NELL2: variants seen among roughly 807,000 people sequenced by gnomAD.
NELL2 encodes neural EGFL like 2.
A neutral mutation model predicts 109.6 loss-of-function variants in NELL2; 41 were observed. The ratio of observed to expected loss-of-function variants is 0.37; its 90% CI spans 0.29 to 0.49. NELL2 has a LOEUF of 0.49. NELL2 is among the 20% of genes least tolerant of loss of function. The pLI, the probability that NELL2 is intolerant of heterozygous loss-of-function variation, is 0.98. For synonymous variants in NELL2, 355 were observed against 344.7 expected, an observed-to-expected ratio of 1.03 and a Z score of -0.33; for missense variants, 900 against 1,008.3, an observed-to-expected ratio of 0.89 and a Z score of 1.45.
At chr12:44,630,270 A>G (rs185570151) in intron 13 of NELL2, among the ~76,000 whole-genome samples, 1 of 152,310 alleles carries the variant, frequency 6.6e-6, no homozygotes, top group East Asian at 1.9e-4. Flanking sequence ...TTTTCACAAC[A>G]ACCCTATGAA....
intron 12 of NELL2, among the ~76,000 whole-genome samples, chr12:44,683,022 T>G (rs1350112724): frequency 2.0e-5 from 3 of 152,210 alleles, no homozygotes; most frequent in Non-Finnish European, 4.4e-5. Flanking sequence ...TATGGCCATT[T>G]TCATGATATT....
chr12:44,726,687 T>TA (rs763363427), intron 9 of NELL2, among the ~76,000 whole-genome samples: 3 of 152,164 alleles, frequency 2.0e-5, no homozygotes, highest in South Asian at 2.1e-4. Context: ...GTTAAAGACT[T>TA]ACCGTGTTTA....
chr12:44,884,707 G>A (rs1357346061), intron 1 of NELL2, among the ~76,000 whole-genome samples: 3 of 151,800 alleles, frequency 2.0e-5, no homozygotes, highest in Non-Finnish European at 4.4e-5. Context: ...AACAAGGTGG[G>A]GTTCATTCCA....
chr12:44,745,708 G>C (rs565463614), intron 9 of NELL2, among the ~76,000 whole-genome samples: 11 of 152,254 alleles, frequency 7.2e-5, no homozygotes, highest in Non-Finnish European at 1.5e-4. Context: ...TTGCTTCAAA[G>C]AGAATAAAAT....
intron 13 of NELL2, among the ~76,000 whole-genome samples, chr12:44,652,178 T>C (rs895714514): frequency 1.8e-4 from 27 of 152,258 alleles, no homozygotes; most frequent in African/African-American, 6.5e-4. Context: ...ATTCTGGAGA[T>C]TGTGACAACA....
intron 12 of NELL2, among the ~76,000 whole-genome samples, chr12:44,693,210 G>T (rs1224747168): frequency 6.6e-6 from 1 of 152,104 alleles, no homozygotes; most frequent in African/African-American, 2.4e-5. Context: ...CCCTCCATCA[G>T]CAAAAATATT....
At chr12:44,561,668 G>C (rs1183164950) in intron 15 of NELL2, among the ~76,000 whole-genome samples, 1 of 152,168 alleles carries the variant, frequency 6.6e-6, no homozygotes, top group East Asian at 1.9e-4. Flanking sequence ...GGAAATAAGA[G>C]AGGACACAAA....
chr12:44,703,639 C>T (rs1347763779), intron 12 of NELL2, 87 bp downstream of exon 12: 1 of 1,429,086 alleles, frequency 7.0e-7, no homozygotes, highest in Non-Finnish European at 9.7e-7. Flanking sequence ...GGCCCATCAA[C>T]TTGACAACCT....
chr12:44,661,691 A>G (rs1947747218), intron 13 of NELL2, among the ~76,000 whole-genome samples: 1 of 152,230 alleles, frequency 6.6e-6, no homozygotes, highest in African/African-American at 2.4e-5. Flanking sequence ...TACGTGAGTG[A>G]ACCAAAAAAA....
intron 1 of NELL2, among the ~76,000 whole-genome samples, chr12:44,905,998 G>A (rs552948464): frequency 2.4e-4 from 37 of 152,108 alleles, no homozygotes; most frequent in African/African-American, 7.9e-4. Context: ...ACAGTAATAC[G>A]TGCTATGGAA....
chr12:44,648,710 CATATAT>C (rs1187414211), intron 13 of NELL2, among the ~76,000 whole-genome samples: 3 of 117,988 alleles, frequency 2.5e-5, no homozygotes, highest in African/African-American at 1.1e-4. Context: ...ACAATGCCAT[CATATAT>C]ATATATATAT....
intron 1 of NELL2, among the ~76,000 whole-genome samples, chr12:44,907,220 G>A (rs1945729631): frequency 6.6e-6 from 1 of 151,998 alleles, no homozygotes; most frequent in South Asian, 2.1e-4. Context: ...CCAGTCTCGG[G>A]TATTTCTTCA....
chr12:44,809,303 C>T (rs1482575302), intron 3 of NELL2, among the ~76,000 whole-genome samples: 3 of 151,982 alleles, frequency 2.0e-5, no homozygotes, highest in African/African-American at 7.2e-5. Flanking sequence ...TTATATTTTT[C>T]ATATTTCTCT....
chr12:44,687,252 C>CGCG (rs1424943112), intron 12 of NELL2, among the ~76,000 whole-genome samples: 2 of 152,322 alleles, frequency 1.3e-5, no homozygotes, highest in South Asian at 2.1e-4. Flanking sequence ...CAATGCCGCG[C>CGCG]CCTGCTTTGG....
chr12:44,899,059 A>C (rs537407791), intron 1 of NELL2, among the ~76,000 whole-genome samples: 1 of 151,022 alleles, frequency 6.6e-6, no homozygotes, highest in South Asian at 2.1e-4. Flanking sequence ...GATTAGAGAA[A>C]AAAGAATGAA....
intron 1 of NELL2, among the ~76,000 whole-genome samples, chr12:44,902,632 A>G (rs1279113512): frequency 1.3e-5 from 2 of 152,224 alleles, no homozygotes; most frequent in Non-Finnish European, 2.9e-5. Context: ...TGGAGGTATC[A>G]AGCTACCTGA....
At chr12:44,627,771 A>G (rs911833201) in intron 13 of NELL2, among the ~76,000 whole-genome samples, 2 of 152,252 alleles carry the variant, frequency 1.3e-5, no homozygotes, top group African/African-American at 4.8e-5. Context: ...AGACATAGTA[A>G]TAACAAAGCA....
At chr12:44,705,594 G>A (rs139218821) in intron 11 of NELL2, among the ~76,000 whole-genome samples, 8 of 152,028 alleles carry the variant, frequency 5.3e-5, no homozygotes, top group Admixed American at 1.3e-4. Context: ...AATGTATTCC[G>A]CTGTCTTTTT....
intron 13 of NELL2, 22 bp from the exon 14 acceptor site, chr12:44,610,992 T>C (rs1945599814): frequency 6.2e-7 from 1 of 1,608,924 alleles, no homozygotes; most frequent in Admixed American, 1.7e-5. Flanking sequence ...AATACAATTT[T>C]GTTACTCAAA....
Sources: gnomAD v4.1 joint callset for allele counts (sites outside exome capture counted in the v4.1 genomes callset) on GRCh38, gnomAD v4.1.1 for gene constraint, MANE v1.5 for transcripts, NCBI Gene and HGNC (gene_info 2026-07-23, HGNC 2026-07-21) for gene names.